Variants in TMEM132C observed in about 807,000 individuals in gnomAD.
TMEM132C encodes transmembrane protein 132C, also known as protein phosphatase 1, regulatory subunit 152.
A neutral mutation model predicts 61.4 loss-of-function variants in TMEM132C; 29 were observed. The ratio of observed to expected loss-of-function variants is 0.47; its 90% confidence interval spans 0.35 to 0.64. The LOEUF (loss-of-function observed/expected upper bound fraction) is 0.64, where lower values mean the gene tolerates loss of function less well. TMEM132C is among the 30% of genes least tolerant of loss of function. The probability of loss-of-function intolerance (pLI) is 0.00; values close to 1 mark genes in which losing one functional copy is unlikely to be tolerated. For synonymous variants in TMEM132C, 656 were observed against 633.1 expected (o/e 1.04, Z -0.54); for missense variants, 1,408 against 1,476.9 (o/e 0.95, Z 0.76).
intron 2 of TMEM132C, among the ~76,000 whole-genome samples, chr12:128,418,352 C>T (rs541669720): frequency 6.6e-6 from 1 of 152,160 alleles, no homozygotes; most frequent in Non-Finnish European, 1.5e-5. Flanking sequence ...TTACGGACGG[C>T]GTACACATTT....
intron 2 of TMEM132C, among the ~76,000 whole-genome samples, chr12:128,489,331 G>A (rs1045553903): frequency 6.6e-6 from 1 of 151,404 alleles, no homozygotes; most frequent in Admixed American, 6.6e-5. Context: ...CCATGCTCAT[G>A]TTAGAGGAAG....
At chr12:128,318,106 A>T (rs575653106) in intron 1 of TMEM132C, among the ~76,000 whole-genome samples, 71 of 152,272 alleles carry the variant, frequency 4.7e-4, no homozygotes, top group Admixed American at 1.2e-3. Flanking sequence ...CATGGTGGTG[A>T]AAAAAACAGA....
At chr12:128,675,485 A>G (rs1250887899) in intron 5 of TMEM132C, among the ~76,000 whole-genome samples, 1 of 152,114 alleles carries the variant, frequency 6.6e-6, no homozygotes, top group Non-Finnish European at 1.5e-5. Context: ...TTTGCTTAAC[A>G]TTTTACTTTT....
At chr12:128,446,026 C>T (rs1379786) in intron 2 of TMEM132C, among the ~76,000 whole-genome samples, 21,706 of 152,162 alleles carry the variant, frequency 0.14, 2,637 homozygotes, top group African/African-American at 0.32. Flanking sequence ...TTTCCCCACT[C>T]ATGCTATGAA....
chr12:128,557,587 G>A (rs566625625), intron 3 of TMEM132C, among the ~76,000 whole-genome samples: 2 of 152,288 alleles, frequency 1.3e-5, no homozygotes, highest in East Asian at 3.9e-4. Flanking sequence ...CAGCAAACTG[G>A]ACACTAGAGC....
In TMEM132C at chr12:128,415,210, G is replaced by T; in HGVS notation, c.564G>T (p.Lys188Asn). 3 of 1,610,252 alleles carry T rather than the reference G, an allele frequency of 1.9e-6. No individual in the cohort carries two copies. The highest frequency in any genetic ancestry group is 2.5e-6 in the Non-Finnish European group (3 of 1,178,344). The change falls in exon 2 of 9, where the codon AAG becomes AAT. Residue 188 changes from lysine to asparagine, a missense_variant. Physicochemically the swap from Lys to Asn is moderately conservative, Grantham distance 94 (BLOSUM62 0). Transcript: ENST00000435159. This position sits in a 1 kb window ranked among gnomAD's most constrained non-coding sequence, Gnocchi z 5.8. ...TREVRGSCRLKGDLGLCVAEL... is the reference protein window; with the variant it reads ...TREVRGSCRLNGDLGLCVAEL... The stretch of plus-strand genomic sequence containing the variant: ...AGGTGCGGGGCAGCTGCCGGCTGAA[G>T]GGGGACCTGGGGCTGTGTGTGGCTG...
chr12:128,436,045 G>A (rs557869002), intron 2 of TMEM132C, among the ~76,000 whole-genome samples: 344 of 152,230 alleles, frequency 2.3e-3, no homozygotes, highest in Middle Eastern at 0.01. Flanking sequence ...ACAAGAAATG[G>A]GGAAAGGATT....
chr12:128,653,420 T>C (rs1593135729), intron 4 of TMEM132C, among the ~76,000 whole-genome samples: 2 of 152,250 alleles, frequency 1.3e-5, no homozygotes, highest in South Asian at 4.1e-4. Flanking sequence ...ATAAAGCTAT[T>C]TTTTAAAGGA....
intron 3 of TMEM132C, among the ~76,000 whole-genome samples, chr12:128,575,169 A>G (rs1875042146): frequency 6.6e-6 from 1 of 152,214 alleles, no homozygotes; most frequent in African/African-American, 2.4e-5. Context: ...AACACAGCAA[A>G]GTCATCATAC....
Position 128,706,197 on chromosome 12 carries a change from A to G in TMEM132C, c.3229A>G (p.Ser1077Gly), listed in dbSNP as rs1954839088. The G allele has an allele frequency of 6.4e-7, 1 of 1,551,684 alleles. No individual in the cohort carries two copies. Among genetic ancestry groups the G allele is most frequent in the Admixed American group, 2.0e-5 (1 of 50,988 alleles). ...CCCCACGGTGAACTCCATCGTCAGC[A>G]GCAATGATGAGGACATCAAATGGGT... is the stretch of plus-strand genomic sequence containing the variant. ...SCPTVNSIVS[S>G]NDEDIKWVCQ... Residue 1077 changes from serine (S) to glycine (G), a missense_variant, in exon 9 of 9, where the codon AGC (serine) becomes GGC (glycine). Coordinates refer to ENST00000435159, the MANE Select transcript of TMEM132C (RefSeq NM_001136103.3).
chr12:128,579,964 G>A (rs11059775), intron 3 of TMEM132C, among the ~76,000 whole-genome samples: 11,932 of 152,180 alleles, frequency 0.078, 529 homozygotes, highest in East Asian at 0.16. Context: ...AGGATGGGAG[G>A]TTCAAAGAAA....
chr12:128,485,895 A>G (rs1871476980), intron 2 of TMEM132C, among the ~76,000 whole-genome samples: 1 of 152,130 alleles, frequency 6.6e-6, no homozygotes, highest in Admixed American at 6.5e-5. Context: ...TCTAATTTGC[A>G]TCCACTTTTC....
chr12:128,617,174 A>G (rs1216363384), intron 4 of TMEM132C, among the ~76,000 whole-genome samples: 1 of 152,208 alleles, frequency 6.6e-6, no homozygotes, highest in Non-Finnish European at 1.5e-5. Flanking sequence ...CTCCTAAGCC[A>G]TGTCAGCGCG....
rs532214718 is a variant in TMEM132C, at chr12:128,342,580, T to C, written c.86-72152T>C. On this transcript the variant is annotated intron_variant, in intron 1 of 8. Transcript: ENST00000435159. ...TGATCTCAGGACATCATTTCCTCCC[T>C]CCTTTTCTTCTGTTCTGTGGGATTC... 2.2e-3 allele frequency among the ~76,000 whole-genome samples: 139 copies of C among 63,548 alleles called. 2 individuals carry two copies. In the South Asian group the frequency reaches 0.024, roughly 11 times the overall value. 41.7% of individuals were successfully genotyped at this position (63,548 alleles called of 152,430 possible).
intron 3 of TMEM132C, among the ~76,000 whole-genome samples, chr12:128,577,011 C>A (rs968717671): frequency 6.6e-6 from 1 of 152,190 alleles, no homozygotes; most frequent in Non-Finnish European, 1.5e-5. Context: ...GCAACCATCA[C>A]CACTGTTTAA....
At chr12:128,545,070 C>T (rs1399644872) in intron 3 of TMEM132C, among the ~76,000 whole-genome samples, 1 of 152,158 alleles carries the variant, frequency 6.6e-6, no homozygotes, top group Non-Finnish European at 1.5e-5. Flanking sequence ...TCCCATCACC[C>T]AAGTGGTGAA....
chr12:128,533,397 A>G (rs1482210450), intron 2 of TMEM132C, among the ~76,000 whole-genome samples: 1 of 151,866 alleles, frequency 6.6e-6, no homozygotes, highest in Non-Finnish European at 1.5e-5. Flanking sequence ...AACTGTATCC[A>G]TTTTCTAGGG....
At chr12:128,395,199 T>G (rs1874906244) in intron 1 of TMEM132C, among the ~76,000 whole-genome samples, 1 of 150,300 alleles carries the variant, frequency 6.7e-6, no homozygotes, top group South Asian at 2.1e-4. Context: ...TTTAATTAAA[T>G]ATATAGTTCA....
intron 3 of TMEM132C, among the ~76,000 whole-genome samples, chr12:128,600,628 A>G (rs1472447339): frequency 6.6e-6 from 1 of 152,140 alleles, no homozygotes; most frequent in Non-Finnish European, 1.5e-5. Flanking sequence ...AGCAGCCCCA[A>G]GACTTGCTGC....
Sources: allele counts gnomAD v4.1 joint callset (sites outside exome capture counted in the v4.1 genomes callset), GRCh38; gene constraint gnomAD v4.1.1; non-coding constraint Gnocchi (gnomAD v3.1); transcripts MANE v1.5; gene names NCBI Gene and HGNC (gene_info 2026-07-23, HGNC 2026-07-21).